Variants in FCAMR observed in about 807,000 individuals in gnomAD.
FCAMR encodes the protein Fc alpha and mu receptor.
In FCAMR, 51 loss-of-function variants were observed where a neutral mutation model predicts 52.2. The observed-to-expected ratio is 0.98, with a 90% confidence interval of 0.78 to 1.23. The LOEUF is 1.23. FCAMR is among the 50% of genes most tolerant of loss of function. FCAMR has a pLI of 0.00. For missense variants in FCAMR, 719 were observed against 712.6 expected (o/e 1.01, Z -0.10); for synonymous variants, 282 against 262.0 (o/e 1.08, Z -0.74).
intron 1 of FCAMR, among the ~76,000 whole-genome samples, chr1:206,968,915 A>T (rs903887499): frequency 3.3e-5 from 5 of 152,230 alleles, no homozygotes; most frequent in Admixed American, 1.3e-4. Context: ...ACCCAGTTTG[A>T]GCCCCAAGAA....
chr1:206,959,448 G>A (rs1005470759), intron 7 of FCAMR, among the ~76,000 whole-genome samples: 3 of 146,656 alleles, frequency 2.0e-5, no homozygotes, highest in African/African-American at 7.6e-5. Flanking sequence ...TTGCACTCCA[G>A]CCTGGATGAC....
chr1:206,968,862 T>A (rs1680817730), intron 1 of FCAMR, among the ~76,000 whole-genome samples: 1 of 152,214 alleles, frequency 6.6e-6, no homozygotes, highest in Admixed American at 6.5e-5. Flanking sequence ...TCCCCTCAGC[T>A]TGGCTCTGCC....
rs762593187 is a variant in FCAMR, at chr1:206,967,333, C to CA, written c.109-222dup. Among the ~76,000 whole-genome samples the CA allele has an allele frequency of 1.5e-4, 23 of 152,146 alleles. 1 individual carries two copies. Among genetic ancestry groups the CA allele is most frequent in the Admixed American group, 6.5e-4 (10 of 15,282 alleles). The stretch of plus-strand genomic sequence containing the variant: ...CACATTTTGGTCACGTCCACGAGGC[C>CA]AAAATGTCCCTTACCCTTGAGGGTT... On this transcript the variant is annotated intron_variant, in intron 2 of 7. Coordinates refer to ENST00000324852, the MANE Select transcript of FCAMR (RefSeq NM_001170631.2).
Position 206,960,596 on chromosome 1 carries a change from ATC to A in FCAMR, c.1278_1279del (p.Trp426CysfsTer65), listed in dbSNP as rs1417933174. ...CACATCTGCAGCTGGAGTTCCCAAG[ATC>A]CACACATCTGCAGCTGGAGTTCCCA... On this transcript the variant is annotated frameshift_variant, in exon 6 of 8. Transcript: ENST00000324852. LOFTEE classifies it high-confidence loss of function. 4 of 1,551,692 alleles carry A rather than the reference ATC, an allele frequency of 2.6e-6. No individual in the cohort carries two copies. The East Asian group carries it at 9.8e-5, about 38-fold the overall frequency.
At chr1:206,967,496 T>G (rs934126122) in intron 2 of FCAMR, 87 bp downstream of exon 2, 25 of 1,390,668 alleles carry the variant, frequency 1.8e-5, no homozygotes, top group African/African-American at 5.7e-5. Context: ...GTTGGAATTG[T>G]GGGACCTTGG....
chr1:206,960,836 A>G lies in FCAMR; in HGVS notation c.1040T>C (p.Met347Thr), dbSNP rs1157235725. ...RARASKDRRE[M>T]TTTKADRPRE... ...TGGCCTATCAGCCTTGGTAGTTGTC[A>G]TCTCCCTCCTGTCCTTGCTGGCTCT... The change falls in exon 6 of 8, where the codon ATG (methionine) becomes ACG (threonine). Residue 347 changes from methionine to threonine, a missense_variant. Physicochemically the swap from Met to Thr is moderately conservative, Grantham distance 81. Coordinates refer to ENST00000324852, the MANE Select transcript of FCAMR (RefSeq NM_001170631.2). 1 of 1,552,144 alleles carries G rather than the reference A, an allele frequency of 6.4e-7. No individual in the cohort carries two copies. Among genetic ancestry groups the G allele is most frequent in the African/African-American group, 1.4e-5 (1 of 72,980 alleles).
Position 206,960,429 on chromosome 1 carries a change from C to T in FCAMR, c.1447G>A (p.Val483Met), listed in dbSNP as rs34478566. Reference protein sequence around the residue: ...PWGPPGKESSVKRTFPEDESS... With the variant: ...PWGPPGKESSMKRTFPEDESS... ...GAAGGTGCCTGGGGTTACCGCTTCA[C>T]GGAGGACTCCTTGCCAGGGGGTCCC... The change falls in exon 6 of 8, where the codon GTG becomes ATG. Residue 483 changes from valine (V) to methionine (M), a missense_variant. Coordinates refer to ENST00000324852, the MANE Select transcript of FCAMR (RefSeq NM_001170631.2). 3,466 of 1,495,598 alleles carry T rather than the reference C, an allele frequency of 2.3e-3. 27 individuals carry two copies. The African/African-American group carries it at 0.029, about 13-fold the overall frequency. The allele number at this position is 1,495,598 out of a possible 1,614,324, so 92.6% of individuals were successfully genotyped here. A position where few individuals can be genotyped will look rare whatever the true frequency, so the allele number is the denominator to read the frequency against.
chr1:206,958,832 T>C (rs1214743368), intron 7 of FCAMR, 156 bp from the exon 8 acceptor site: 4 of 913,424 alleles, frequency 4.4e-6, no homozygotes, highest in Non-Finnish European at 7.0e-6. Flanking sequence ...GCCTAGCCCA[T>C]GATAGGGCTT....
chr1:206,959,911 A>G, intron 6 of FCAMR, 114 bp from the exon 7 acceptor site: 1 of 819,154 alleles, frequency 1.2e-6, no homozygotes, highest in Non-Finnish European at 2.1e-6. Context: ...GCCAAAGCAA[A>G]TGGGCAGCCC....
chr1:206,968,556 C>T (rs1038606682), intron 1 of FCAMR, among the ~76,000 whole-genome samples: 2 of 152,166 alleles, frequency 1.3e-5, no homozygotes, highest in Admixed American at 6.5e-5. Flanking sequence ...TAAGGACAGG[C>T]GCTAACAGTC....
chr1:206,962,027 C>CT (rs1003025834), intron 5 of FCAMR, among the ~76,000 whole-genome samples, 186 bp downstream of exon 5: 2 of 152,002 alleles, frequency 1.3e-5, no homozygotes, highest in Admixed American at 6.5e-5. Flanking sequence ...TAAAATCTTC[C>CT]TTTTTTTTGA....
rs1327432505 is a variant in FCAMR at position 206,970,151 on chromosome 1, G to A, written c.-26C>T. ...CTCAGTCCAGAAACAAGATCCAGGT[G>A]GACTTTTCTTCTCCTTATGAGATGC... On this transcript the variant is annotated 5_prime_UTR_variant, in exon 1 of 8. Coordinates refer to ENST00000324852, the MANE Select transcript of FCAMR (RefSeq NM_001170631.2). The A allele has an allele frequency of 1.2e-6, 2 of 1,613,440 alleles. No homozygotes were observed. The highest frequency in any genetic ancestry group is 1.7e-6 in the Non-Finnish European group (2 of 1,179,726).
chr1:206,969,290 C>T (rs1381258321), intron 1 of FCAMR: 9 of 456,252 alleles, frequency 2.0e-5, no homozygotes, highest in Non-Finnish European at 3.5e-5. Flanking sequence ...AAGCCGGCTC[C>T]GTGGGGCAAT....
At chr1:206,958,813 G>T (rs1166304125) in intron 7 of FCAMR, 137 bp from the exon 8 acceptor site, 2 of 1,151,934 alleles carry the variant, frequency 1.7e-6, no homozygotes, top group Non-Finnish European at 2.6e-6. Context: ...AGTTGGCTAG[G>T]CTAAGCCAGC....
chr1:206,958,998 C>T (rs1335102751), intron 7 of FCAMR: 1 of 516,558 alleles, frequency 1.9e-6, no homozygotes, highest in South Asian at 1.5e-5. Context: ...CTGGGCTTTG[C>T]CAAAGGGGGA....
chr1:206,962,368 T>C lies in FCAMR; in HGVS notation c.497A>G (p.Tyr166Cys), dbSNP rs759028700. Residue 166 changes from tyrosine to cysteine, a missense_variant, in exon 5 of 8, where the codon TAT becomes TGT. Physicochemically the swap from Tyr to Cys is radical, Grantham distance 194. Transcript: ENST00000324852. ...VSTNQYTHHR[Y>C]RDRVALTDFP... is the part of the protein sequence containing the mutation. ...GTCTGTGAGGGCCACACGGTCACGATAGCGATGGTGAGTATACTGGTTGGT... is the reference window on the plus strand; with the variant it reads ...GTCTGTGAGGGCCACACGGTCACGACAGCGATGGTGAGTATACTGGTTGGT... 5.6e-6 allele frequency: 9 copies of C among 1,614,066 alleles called. No homozygotes were observed. The highest frequency in any genetic ancestry group is 1.6e-4 in the Middle Eastern group (1 of 6,084).
At chr1:206,959,998 C>G (rs1680437164) in intron 6 of FCAMR, 1 of 571,386 alleles carries the variant, frequency 1.8e-6, no homozygotes, top group South Asian at 2.1e-5. Flanking sequence ...GAATCCTTTT[C>G]CCTCTTCCAC....
intron 2 of FCAMR, 95 bp from the exon 3 acceptor site, chr1:206,967,207 C>T (rs1371016795): frequency 6.0e-6 from 8 of 1,342,978 alleles, no homozygotes; most frequent in South Asian, 2.5e-5. Flanking sequence ...TTTGGGATCT[C>T]GGTTTGCTCA....
intron 4 of FCAMR, 90 bp downstream of exon 4, chr1:206,965,624 CT>C: frequency 7.1e-7 from 1 of 1,418,020 alleles, no homozygotes; most frequent in Non-Finnish European, 9.3e-7. Flanking sequence ...GAGGCTAGGG[CT>C]GCCTATAGCT....
Sources: allele counts gnomAD v4.1 joint callset (sites outside exome capture counted in the v4.1 genomes callset), GRCh38; gene constraint gnomAD v4.1.1; transcripts MANE v1.5; gene names NCBI Gene and HGNC (gene_info 2026-07-23, HGNC 2026-07-21).